MADD: variants seen among roughly 807,000 people sequenced by gnomAD.
The protein encoded by MADD is MAP kinase activating death domain.
Under a neutral mutation model 176.7 loss-of-function variants are expected in MADD, and 109 were observed. The ratio of observed to expected loss-of-function variants is 0.62; its 90% CI spans 0.53 to 0.72. The LOEUF is 0.72. Among genes scored for constraint, MADD ranks in the 30% least tolerant of loss-of-function variants. The pLI is 0.00. For missense variants in MADD, 1,914 were observed against 2,045.5 expected (o/e 0.94, Z 1.24); for synonymous variants, 771 against 771.3 (o/e 1.00, Z 0.01).
At chr11:47,327,270 A>G (rs993136326) in intron 31 of MADD, 88 of 994,536 alleles carry the variant, frequency 8.8e-5, no homozygotes, top group Non-Finnish European at 1.0e-4. Context: ...CGTCGCAGGC[A>G]GACTCACTTG....
chr11:47,315,462 GT>G, intron 27 of MADD, 135 bp downstream of exon 30: 6 of 539,362 alleles, frequency 1.1e-5, no homozygotes, highest in African/African-American at 1.9e-5. Context: ...TATCAGATTG[GT>G]TTTTTTGTTT....
intron 27 of MADD, among the ~76,000 whole-genome samples, chr11:47,318,835 T>G (rs2093785895): frequency 1.6e-5 from 2 of 125,072 alleles, no homozygotes; most frequent in African/African-American, 6.1e-5. Flanking sequence ...TGAGACAGAG[T>G]CTCACTCTGT....
chr11:47,289,810 TG>T, intron 16 of MADD, 56 bp from the exon 18 acceptor site: 6 of 1,580,946 alleles, frequency 3.8e-6, no homozygotes, highest in Non-Finnish European at 5.2e-6. Flanking sequence ...GGGTGAAAGG[TG>T]GGGGGTGCTC....
chr11:47,315,528 G>T (rs139742523), intron 27 of MADD, among the ~76,000 whole-genome samples: 3 of 152,184 alleles, frequency 2.0e-5, no homozygotes, highest in Admixed American at 6.5e-5. Context: ...AGGCTGGAGT[G>T]TAGTGGCTTG....
rs1287527277 is a variant in MADD at position 47,289,403 on chromosome 11, C to G, written c.2666C>G (p.Ala889Gly). 2.5e-6 allele frequency: 4 copies of G among 1,613,826 alleles called. No individual in the cohort carries two copies. The East Asian group carries it at 8.9e-5, about 36-fold the overall frequency. ...TTCCCTGCCACAGGAAACAGGAGGG[C>G]GTTAGTGGATCAGAAGTCATCTGTC... Residue 889 changes from alanine (A) to glycine (G), a missense_variant, in exon 16 of 33, where the codon GCG becomes GGG. By Grantham distance (60) the Ala-to-Gly change is moderately conservative. Coordinates refer to ENST00000402192, the Ensembl canonical transcript of MADD.
Position 47,323,662 on chromosome 11 carries a change from C to T in MADD, c.4198-9C>T. ...AGGAACCACTGAGCCGCTTTGTGCA[C>T]TTCTCCAGGTGTGCGATGACTGTGT... On this transcript the variant is annotated splice_polypyrimidine_tract_variant and intron_variant, in intron 27 of 32. Coordinates refer to ENST00000402192, the Ensembl canonical transcript of MADD. 8.7e-6 allele frequency: 14 copies of T among 1,611,786 alleles called. No individual in the cohort carries two copies. The highest frequency in any genetic ancestry group is 1.1e-5 in the Non-Finnish European group (13 of 1,179,066).
chr11:47,312,446 CAG>C (rs1175315247), intron 26 of MADD, among the ~76,000 whole-genome samples: 1 of 151,884 alleles, frequency 6.6e-6, no homozygotes, highest in Non-Finnish European at 1.5e-5. Flanking sequence ...TTTTTTGAGA[CAG>C]AGTTTCACTC....
At chr11:47,317,078 C>G (rs1404515779) in intron 27 of MADD, among the ~76,000 whole-genome samples, 1 of 152,214 alleles carries the variant, frequency 6.6e-6, no homozygotes, top group Non-Finnish European at 1.5e-5. Flanking sequence ...GATAGCACAT[C>G]TTATCCATTG....
chr11:47,278,512 A>ACC (rs60774369), intron 6 of MADD, among the ~76,000 whole-genome samples: 1 of 152,028 alleles, frequency 6.6e-6, no homozygotes, highest in South Asian at 2.1e-4. Flanking sequence ...GAATTAAGTG[A>ACC]CCCCCCACCA....
chr11:47,283,854 C>T (rs887954984), intron 10 of MADD, among the ~76,000 whole-genome samples: 3 of 151,916 alleles, frequency 2.0e-5, no homozygotes, highest in African/African-American at 4.8e-5. Flanking sequence ...ATTACAGGCG[C>T]GAGCCACTGC....
intron 14 of MADD, 103 bp downstream of exon 14, chr11:47,285,693 T>C (rs1565349866): frequency 1.3e-6 from 2 of 1,525,878 alleles, no homozygotes; most frequent in African/African-American, 1.4e-5. Context: ...TAGGGCTAGG[T>C]TGGCATTAGC....
chr11:47,326,668 G>A, intron 30 of MADD, 70 bp from the exon 35 acceptor site: 1 of 1,574,442 alleles, frequency 6.4e-7, no homozygotes, highest in East Asian at 2.2e-5. Flanking sequence ...GCTGTAGCTG[G>A]GAGAGTGTGC....
intron 13 of MADD, 77 bp from the exon 14 acceptor site, chr11:47,285,374 T>C: frequency 6.3e-7 from 1 of 1,594,808 alleles, no homozygotes; most frequent in Non-Finnish European, 8.5e-7. Context: ...GCAACTGTAG[T>C]ATAGCATAAT....
intron 25 of MADD, among the ~76,000 whole-genome samples, chr11:47,309,878 GTCACCCA>G (rs2086692513): frequency 7.2e-6 from 1 of 138,548 alleles, no homozygotes; most frequent in Non-Finnish European, 1.5e-5. Context: ...GTCTTGCTCT[GTCACCCA>G]GGCAGGAGTG....
rs1361006286 is a variant in MADD, at chr11:47,328,370, C to T, written c.4613-288C>T. The T allele has an allele frequency of 6.7e-6, 9 of 1,347,542 alleles. No homozygotes were observed. In the Admixed American group the frequency reaches 9.6e-5, roughly 14 times the overall value. 83.5% of individuals were successfully genotyped at this position (1,347,542 alleles called of 1,614,324 possible). On this transcript the variant is annotated intron_variant, in intron 31 of 32. Coordinates refer to ENST00000402192, the Ensembl canonical transcript of MADD. ...AGGCTGGTGAAAGGCCCGTCCCTCC[C>T]ATCCAGGGCTTTCAAAGAAGTGGGT...
chr11:47,290,091 G>A, intron 17 of MADD, 38 bp downstream of exon 18: 1 of 1,612,508 alleles, frequency 6.2e-7, no homozygotes, highest in Non-Finnish European at 8.5e-7. Context: ...TAACTGGAGA[G>A]AGGGATGTGA....
chr11:47,314,231 C>CA (rs751848858), intron 26 of MADD, among the ~76,000 whole-genome samples: 1,590 of 119,800 alleles, frequency 0.013, 22 homozygotes, highest in African/African-American at 0.036. Flanking sequence ...GACCCTGTCT[C>CA]AAAAAAAAAA....
At chr11:47,280,179 A>T (rs1247471965) in intron 7 of MADD, among the ~76,000 whole-genome samples, 3 of 152,214 alleles carry the variant, frequency 2.0e-5, no homozygotes, top group African/African-American at 7.2e-5. Context: ...GTAACACATG[A>T]CAAAGCTTCA....
Position 47,294,803 on chromosome 11 carries a change from A to G in MADD, c.3403-693A>G, listed in dbSNP as rs376125517. Among the ~76,000 whole-genome samples, 67 of 152,236 alleles carry G rather than the reference A, an allele frequency of 4.4e-4. 1 individual carries two copies. The South Asian group carries it at 0.013, about 31-fold the overall frequency. ...ATCCATTAAAGATTGTGTTTTCAAA[A>G]ATTTAGTGACATGGGAAACTGTTTA... On this transcript the variant is annotated intron_variant, in intron 20 of 32. Coordinates refer to ENST00000402192, the Ensembl canonical transcript of MADD.
Sources: allele counts gnomAD v4.1 joint callset (sites outside exome capture counted in the v4.1 genomes callset), GRCh38; gene constraint gnomAD v4.1.1; transcripts MANE v1.5; gene names NCBI Gene and HGNC (gene_info 2026-07-23, HGNC 2026-07-21).